The following GALNTL6 variants were observed in gnomAD, a reference collection of about 807,000 sequenced individuals.
GALNTL6 encodes polypeptide N-acetylgalactosaminyltransferase-like 6.
Under a neutral mutation model 73.7 loss-of-function variants are expected in GALNTL6, and 46 were observed. The ratio of observed to expected loss-of-function variants is 0.62; its 90% confidence interval spans 0.49 to 0.80. GALNTL6 has a LOEUF of 0.80. Ranked by LOEUF, GALNTL6 falls within the 30% of genes least tolerant of loss-of-function variation. The pLI is 0.00. For missense variants in GALNTL6, 604 were observed against 755.0 expected (o/e 0.80, Z 2.34); for synonymous variants, 259 against 263.7 (o/e 0.98, Z 0.17).
intron 5 of GALNTL6, among the ~76,000 whole-genome samples, chr4:172,356,740 A>G (rs1357955025): frequency 6.6e-6 from 1 of 152,220 alleles, no homozygotes; most frequent in Non-Finnish European, 1.5e-5. Flanking sequence ...ATATTTATAA[A>G]TGAGTAAACA....
intron 7 of GALNTL6, among the ~76,000 whole-genome samples, chr4:172,820,872 T>C (rs922846458): frequency 6.6e-6 from 1 of 152,188 alleles, no homozygotes; most frequent in Non-Finnish European, 1.5e-5. Flanking sequence ...ATGATTGAGG[T>C]TTCAAAACTG....
chr4:173,024,491 A>G (rs1579797224), intron 12 of GALNTL6, among the ~76,000 whole-genome samples: 1 of 152,264 alleles, frequency 6.6e-6, no homozygotes, highest in East Asian at 1.9e-4. Context: ...TAAGGCATAA[A>G]GAGAAAAAGC....
chr4:172,954,905 T>C (rs143266814), intron 10 of GALNTL6, among the ~76,000 whole-genome samples: 3 of 152,198 alleles, frequency 2.0e-5, no homozygotes, highest in Non-Finnish European at 2.9e-5. Flanking sequence ...TTGCATTCAG[T>C]TGAATTTGTT....
At chr4:172,305,419 C>T (rs993266435) in intron 3 of GALNTL6, among the ~76,000 whole-genome samples, 4 of 152,034 alleles carry the variant, frequency 2.6e-5, no homozygotes, top group Admixed American at 2.6e-4. Flanking sequence ...CTAATTTGAA[C>T]ATAGCAGATG....
intron 2 of GALNTL6, among the ~76,000 whole-genome samples, chr4:171,940,209 C>T (rs1475472780): frequency 6.6e-6 from 1 of 151,782 alleles, no homozygotes; most frequent in African/African-American, 2.4e-5. Flanking sequence ...CTGGAGAAAA[C>T]ATCATATTGT....
At chr4:172,832,011 G>A (rs1560981777) in intron 7 of GALNTL6, among the ~76,000 whole-genome samples, 1 of 152,210 alleles carries the variant, frequency 6.6e-6, no homozygotes, top group Non-Finnish European at 1.5e-5. Flanking sequence ...TGCCAGAGCA[G>A]CCTGAACCAA....
intron 5 of GALNTL6, among the ~76,000 whole-genome samples, chr4:172,415,333 G>A (rs1441328532): frequency 2.6e-5 from 4 of 152,160 alleles, no homozygotes; most frequent in African/African-American, 9.6e-5. Context: ...TCAGTGGCCA[G>A]TAGCTTATCA....
At chr4:172,264,610 CATATA>C (rs72082854) in intron 3 of GALNTL6, among the ~76,000 whole-genome samples, 48,989 of 122,622 alleles carry the variant, frequency 0.4, 9,424 homozygotes, top group Non-Finnish European at 0.42. Flanking sequence ...TATATATACA[CATATA>C]ATATATTTGG....
chr4:172,024,294 T>C (rs1395940169), intron 2 of GALNTL6, among the ~76,000 whole-genome samples: 1 of 151,870 alleles, frequency 6.6e-6, no homozygotes, highest in African/African-American at 2.4e-5. Flanking sequence ...GAGTCATGCT[T>C]CATTCATCTT....
intron 2 of GALNTL6, among the ~76,000 whole-genome samples, chr4:171,979,193 G>A (rs906163443): frequency 5.3e-5 from 8 of 152,036 alleles, no homozygotes; most frequent in Middle Eastern, 3.2e-3. Flanking sequence ...ATTACAGCAC[G>A]GCCATCCACA....
chr4:171,918,251 A>G (rs1737683254), intron 2 of GALNTL6, among the ~76,000 whole-genome samples: 1 of 152,164 alleles, frequency 6.6e-6, no homozygotes, highest in African/African-American at 2.4e-5. Flanking sequence ...GAAAGTATCA[A>G]AAATGTAGGT....
rs145049162 is a variant in GALNTL6 at position 172,465,449 on chromosome 4, C to T, written c.553+116760C>T. 8.4e-3 allele frequency among the ~76,000 whole-genome samples: 1,269 copies of T among 151,470 alleles called. 11 individuals carry two copies. The highest frequency in any genetic ancestry group is 0.029 in the African/African-American group (1,200 of 41,274). On this transcript the variant is annotated intron_variant, in intron 5 of 12. Coordinates refer to ENST00000506823, the MANE Select transcript of GALNTL6 (RefSeq NM_001034845.3). ...CAGAGATAGAGCCACTGCACTCCAG[C>T]TTGGGCGACAGAGCGAGAATCCGTC... is the stretch of plus-strand genomic sequence containing the variant.
chr4:172,626,589 G>A (rs984693655), intron 5 of GALNTL6, among the ~76,000 whole-genome samples: 2 of 151,904 alleles, frequency 1.3e-5, no homozygotes, highest in Non-Finnish European at 2.9e-5. Flanking sequence ...TGAATATGTA[G>A]GTTGCTTTGG....
intron 2 of GALNTL6, among the ~76,000 whole-genome samples, chr4:171,971,555 C>A (rs1739569109): frequency 6.6e-6 from 1 of 151,962 alleles, no homozygotes; most frequent in Non-Finnish European, 1.5e-5. Flanking sequence ...TACCTATTAC[C>A]AAGTGAAGAA....
intron 5 of GALNTL6, among the ~76,000 whole-genome samples, chr4:172,610,625 G>C (rs1336263762): frequency 1.3e-5 from 2 of 151,934 alleles, no homozygotes; most frequent in African/African-American, 4.8e-5. Context: ...GTCAATTTTA[G>C]ATTATGTATA....
chr4:172,311,810 ATT>A, intron 4 of GALNTL6, 58 bp downstream of exon 4: 1 of 1,253,706 alleles, frequency 8.0e-7, no homozygotes, highest in Non-Finnish European at 1.1e-6. Flanking sequence ...TTGTCCTTTG[ATT>A]TTTTTTTAAA....
chr4:172,872,587 A>AT (rs1272468059), intron 7 of GALNTL6, among the ~76,000 whole-genome samples: 1 of 152,214 alleles, frequency 6.6e-6, no homozygotes, highest in Non-Finnish European at 1.5e-5. Flanking sequence ...TCAAAAAAGA[A>AT]TAGCACATTG....
chr4:171,825,337 G>A (rs750974747), intron 2 of GALNTL6, among the ~76,000 whole-genome samples: 2 of 152,050 alleles, frequency 1.3e-5, no homozygotes, highest in Non-Finnish European at 2.9e-5. Context: ...CCAGCTGGCC[G>A]GAAAGACAGG....
chr4:172,273,979 CCAAAAT>C, intron 3 of GALNTL6, among the ~76,000 whole-genome samples: 2 of 152,192 alleles, frequency 1.3e-5, no homozygotes, highest in Admixed American at 1.3e-4. Flanking sequence ...ATCCATAATT[CCAAAAT>C]CAAAAATGGT....
Sources: allele counts gnomAD v4.1 joint callset (sites outside exome capture counted in the v4.1 genomes callset), GRCh38; gene constraint gnomAD v4.1.1; transcripts MANE v1.5; gene names NCBI Gene and HGNC (gene_info 2026-07-23, HGNC 2026-07-21).